RAB27A: variants seen among roughly 807,000 people sequenced by gnomAD.
RAB27A encodes the protein RAB27A, member RAS oncogene family, also known as ras-related protein Rab-27A.
Under a neutral mutation model 20.8 loss-of-function variants are expected in RAB27A, and 17 were observed. The ratio of observed to expected loss-of-function variants is 0.82; its 90% confidence interval spans 0.56 to 1.23. The LOEUF (loss-of-function observed/expected upper bound fraction) is 1.23, where lower values mean the gene tolerates loss of function less well. Ranked by LOEUF, RAB27A falls within the 50% of genes most tolerant of loss-of-function variation. RAB27A has a pLI of 0.00. For missense variants in RAB27A, 277 were observed against 266.7 expected, an observed-to-expected ratio of 1.04 and a Z score of -0.27; for synonymous variants, 85 against 92.8, an observed-to-expected ratio of 0.92 and a Z score of 0.48.
At chr15:55,212,279 G>C (rs1895064615) in intron 6 of RAB27A, among the ~76,000 whole-genome samples, 2 of 152,010 alleles carry the variant, frequency 1.3e-5, no homozygotes, top group African/African-American at 4.8e-5. Context: ...TTAGGATTTG[G>C]GTCCACAGCT....
chr15:55,297,999 G>C (rs540212649), intron 2 of RAB27A, among the ~76,000 whole-genome samples: 1 of 151,868 alleles, frequency 6.6e-6, no homozygotes, highest in African/African-American at 2.4e-5. Context: ...TCAGGAGATC[G>C]AGACCGTCCT....
rs2055034150 is a variant in RAB27A, at chr15:55,314,204, TA to T, written c.-233-45del. The T allele has an allele frequency of 4.0e-5, 6 of 150,474 alleles. No individual in the cohort carries two copies. The South Asian group carries it at 1.3e-3, about 31-fold the overall frequency. The allele number at this position is 150,474 out of a possible 1,614,324, so 9.3% of individuals were successfully genotyped here. A position where few individuals can be genotyped will look rare whatever the true frequency, so the allele number is the denominator to read the frequency against. ...AAAATTACCTATGCTGGTCTCCACC[TA>T]ACATAGCTGAGATTAAATTATAATG... On this transcript the variant is annotated intron_variant, in intron 1 of 5. Coordinates refer to the RAB27A transcript ENST00000563262.
At chr15:55,302,276 T>C (rs1160236627) in intron 2 of RAB27A, among the ~76,000 whole-genome samples, 2 of 151,850 alleles carry the variant, frequency 1.3e-5, no homozygotes, top group Non-Finnish European at 2.9e-5. Context: ...GGTTTCGCTG[T>C]GTTGGCCGGG....
At chr15:55,248,644 T>A (rs1352307516) in intron 2 of RAB27A, among the ~76,000 whole-genome samples, 1 of 152,190 alleles carries the variant, frequency 6.6e-6, no homozygotes, top group East Asian at 1.9e-4. Flanking sequence ...TACAAATAGA[T>A]CACGTGTTTA....
At chr15:55,287,560 C>T (rs1195470735) in intron 1 of RAB27A, among the ~76,000 whole-genome samples, 6 of 151,958 alleles carry the variant, frequency 3.9e-5, no homozygotes, top group African/African-American at 1.5e-4. Flanking sequence ...CCAGCCTGAC[C>T]AACATGGAGA....
intron 3 of RAB27A, among the ~76,000 whole-genome samples, chr15:55,232,134 C>G (rs1455593685): frequency 1.3e-5 from 2 of 152,140 alleles, no homozygotes; most frequent in Non-Finnish European, 2.9e-5. Flanking sequence ...GTATTAAACA[C>G]ATACCCCAAC....
intron 1 of RAB27A, among the ~76,000 whole-genome samples, chr15:55,271,809 C>A (rs940293077): frequency 2.4e-4 from 36 of 152,276 alleles, no homozygotes; most frequent in African/African-American, 7.7e-4. Flanking sequence ...GGCAGCTCAA[C>A]GTGTGACTGA....
chr15:55,304,188 T>A (rs1251173200), intron 2 of RAB27A, among the ~76,000 whole-genome samples: 6 of 151,908 alleles, frequency 3.9e-5, no homozygotes, highest in Non-Finnish European at 8.8e-5. Flanking sequence ...CTCTGAAACA[T>A]GTGCTGTGTC....
chr15:55,236,087 C>T (rs1179848637), intron 2 of RAB27A, among the ~76,000 whole-genome samples: 2 of 151,394 alleles, frequency 1.3e-5, no homozygotes, highest in Non-Finnish European at 2.9e-5. Flanking sequence ...GATGGGTGCA[C>T]CAAAATCTCA....
intron 2 of RAB27A, among the ~76,000 whole-genome samples, chr15:55,260,565 A>G (rs1044715181): frequency 6.6e-6 from 1 of 152,246 alleles, no homozygotes; most frequent in East Asian, 1.9e-4. Flanking sequence ...GAATGGATAA[A>G]TAAACTGTGG....
At chr15:55,244,963 G>A (rs1896632599) in intron 2 of RAB27A, among the ~76,000 whole-genome samples, 1 of 152,058 alleles carries the variant, frequency 6.6e-6, no homozygotes, top group Non-Finnish European at 1.5e-5. Flanking sequence ...TAATGCCATT[G>A]TGGACCCATA....
intron 2 of RAB27A, among the ~76,000 whole-genome samples, chr15:55,252,610 G>A (rs995063200): frequency 5.9e-5 from 9 of 151,382 alleles, no homozygotes; most frequent in East Asian, 2.0e-4. Flanking sequence ...TCAAAAAAAC[G>A]TACAGAATAA....
chr15:55,316,070 A>G (rs996196087), intron 1 of RAB27A, among the ~76,000 whole-genome samples: 3 of 152,058 alleles, frequency 2.0e-5, no homozygotes, highest in African/African-American at 7.2e-5. Context: ...CATCTCTACT[A>G]AAAATACAAA....
At chr15:55,298,215 A>C (rs1372594858) in intron 2 of RAB27A, among the ~76,000 whole-genome samples, 2 of 151,934 alleles carry the variant, frequency 1.3e-5, no homozygotes, top group African/African-American at 4.8e-5. Context: ...AAAAAAAAAA[A>C]AAAAAAAAGT....
intron 2 of RAB27A, among the ~76,000 whole-genome samples, chr15:55,266,049 G>A (rs923827647): frequency 3.3e-5 from 5 of 152,206 alleles, no homozygotes; most frequent in South Asian, 2.1e-4. Flanking sequence ...TAATGTTACC[G>A]ACTGAATGTT....
At chr15:55,240,227 T>C (rs886223631) in intron 2 of RAB27A, among the ~76,000 whole-genome samples, 1 of 152,144 alleles carries the variant, frequency 6.6e-6, no homozygotes, top group African/African-American at 2.4e-5. Flanking sequence ...TGGCATTTCA[T>C]TTCAGGAAGG....
chr15:55,212,572 C>A (rs1895078606), intron 6 of RAB27A, among the ~76,000 whole-genome samples: 1 of 145,320 alleles, frequency 6.9e-6, no homozygotes, highest in Admixed American at 6.9e-5. Flanking sequence ...CTCTGTTGCC[C>A]AGCCTGGAGT....
intron 2 of RAB27A, among the ~76,000 whole-genome samples, chr15:55,247,706 C>A (rs1370344159): frequency 6.6e-6 from 1 of 152,086 alleles, no homozygotes; most frequent in Non-Finnish European, 1.5e-5. Context: ...TAGAAGCAGC[C>A]AGACGTGTTA....
chr15:55,260,036 T>A (rs1171871380), intron 2 of RAB27A: 1 of 152,208 alleles, frequency 6.6e-6, no homozygotes, highest in Non-Finnish European at 1.5e-5. Flanking sequence ...ATAGATCAAA[T>A]TAAGAAGATT....
Sources: allele counts gnomAD v4.1 joint callset (sites outside exome capture counted in the v4.1 genomes callset), GRCh38; gene constraint gnomAD v4.1.1; transcripts MANE v1.5; gene names NCBI Gene and HGNC (gene_info 2026-07-23, HGNC 2026-07-21).